The following ADAMTSL1 variants were observed in gnomAD, a reference collection of about 807,000 sequenced individuals.
The protein encoded by ADAMTSL1 is ADAMTS like 1, also known as ADAMTS-like protein 1.
A neutral mutation model predicts 201.8 loss-of-function variants in ADAMTSL1; 126 were observed. The ratio of observed to expected loss-of-function variants is 0.62; its 90% CI spans 0.54 to 0.72. ADAMTSL1 has a LOEUF of 0.72. ADAMTSL1 is among the 30% of genes least tolerant of loss of function. The pLI is 0.00. For synonymous variants in ADAMTSL1, 1,121 were observed against 903.4 expected (o/e 1.24, Z -4.32); for missense variants, 2,679 against 2,277.8 (o/e 1.18, Z -3.59).
chr9:18,176,588 C>T (rs1004118555), intron 2 of ADAMTSL1, among the ~76,000 whole-genome samples: 3 of 152,084 alleles, frequency 2.0e-5, no homozygotes, highest in Admixed American at 1.3e-4. Context: ...AGCAGTTTTT[C>T]CAGGGTCACA....
At chr9:18,273,206 A>G (rs1832450803) in intron 2 of ADAMTSL1, among the ~76,000 whole-genome samples, 1 of 152,148 alleles carries the variant, frequency 6.6e-6, no homozygotes, top group Non-Finnish European at 1.5e-5. Flanking sequence ...CAGCCTCCCA[A>G]GTAGCAGGGA....
intron 20 of ADAMTSL1, among the ~76,000 whole-genome samples, chr9:18,810,865 A>G (rs1430084044): frequency 1.3e-5 from 2 of 152,254 alleles, no homozygotes; most frequent in South Asian, 2.1e-4. Context: ...TAAAACACAC[A>G]TAAGGAGAAT....
chr9:18,609,548 A>G (rs931695263), intron 4 of ADAMTSL1, among the ~76,000 whole-genome samples: 3 of 152,282 alleles, frequency 2.0e-5, no homozygotes, highest in African/African-American at 7.2e-5. Flanking sequence ...TGTCAAATCC[A>G]AAGGGGCTGA....
intron 2 of ADAMTSL1, among the ~76,000 whole-genome samples, chr9:18,299,571 G>T (rs963064381): frequency 6.6e-6 from 1 of 152,166 alleles, no homozygotes; most frequent in Non-Finnish European, 1.5e-5. Context: ...TACGACTCCT[G>T]CCGTGTCCTC....
chr9:18,487,802 G>A (rs1822071386), intron 1 of ADAMTSL1, among the ~76,000 whole-genome samples: 1 of 152,146 alleles, frequency 6.6e-6, no homozygotes, highest in Non-Finnish European at 1.5e-5. Flanking sequence ...TTTTGGCCTT[G>A]GTTAGCAGGA....
At chr9:18,363,920 A>G (rs1354147714) in intron 2 of ADAMTSL1, among the ~76,000 whole-genome samples, 1 of 132,714 alleles carries the variant, frequency 7.5e-6, no homozygotes, top group Admixed American at 8.4e-5. Context: ...TAAGACCACT[A>G]GAAATAGAGG....
At chr9:18,174,828 ATG>A (rs1166566924) in intron 2 of ADAMTSL1, among the ~76,000 whole-genome samples, 1 of 152,184 alleles carries the variant, frequency 6.6e-6, no homozygotes, top group African/African-American at 2.4e-5. Context: ...TAAGAGAACA[ATG>A]TCGTAATTTT....
At chr9:17,915,636 C>G (rs1374028954) in intron 1 of ADAMTSL1, among the ~76,000 whole-genome samples, 2 of 152,178 alleles carry the variant, frequency 1.3e-5, no homozygotes, top group African/African-American at 4.8e-5. Context: ...TTAAGAAACT[C>G]AGTTTTTCAA....
intron 1 of ADAMTSL1, among the ~76,000 whole-genome samples, chr9:17,974,510 C>T (rs548779675): frequency 6.6e-6 from 1 of 151,952 alleles, no homozygotes; most frequent in Non-Finnish European, 1.5e-5. Flanking sequence ...TTTTGACCAA[C>T]ATCTCCCCAA....
At chr9:18,778,753 C>T (rs1320612340) in intron 19 of ADAMTSL1, among the ~76,000 whole-genome samples, 5 of 152,066 alleles carry the variant, frequency 3.3e-5, no homozygotes, top group African/African-American at 1.2e-4. Context: ...TTATCCACAC[C>T]TTATAGAACA....
rs546351377 is a variant in ADAMTSL1, at chr9:18,030,933, T to G, written c.87+124011T>G. Among the ~76,000 whole-genome samples the G allele has an allele frequency of 6.6e-5, 10 of 152,300 alleles. 1 individual carries two copies. The highest frequency in any genetic ancestry group is 2.4e-4 in the African/African-American group (10 of 41,584). On this transcript the variant is annotated intron_variant, in intron 1 of 29. Coordinates refer to the ADAMTSL1 transcript ENST00000680146. ...CTGGTTTTTGAGCTTTGAATTTTTT[T>G]CCTGAGCTTGGTCTAGTCTGTTATT...
intron 1 of ADAMTSL1, among the ~76,000 whole-genome samples, chr9:18,491,958 A>T (rs777860382): frequency 1.3e-5 from 2 of 152,176 alleles, no homozygotes; most frequent in Non-Finnish European, 2.9e-5. Context: ...TTAAAGAAAA[A>T]ATTGTAGGCT....
chr9:17,981,795 C>G (rs1818711296), intron 1 of ADAMTSL1, among the ~76,000 whole-genome samples: 1 of 152,142 alleles, frequency 6.6e-6, no homozygotes, highest in Admixed American at 6.6e-5. Flanking sequence ...GGACATCTTT[C>G]TCTGTAGCTC....
chr9:17,948,204 C>T (rs1827586066), intron 1 of ADAMTSL1, among the ~76,000 whole-genome samples: 1 of 152,328 alleles, frequency 6.6e-6, no homozygotes, highest in African/African-American at 2.4e-5. Context: ...AATTAATAGT[C>T]ATAGCTTTCC....
intron 2 of ADAMTSL1, among the ~76,000 whole-genome samples, chr9:18,460,355 C>A (rs1033923911): frequency 2.6e-5 from 4 of 152,198 alleles, no homozygotes; most frequent in Admixed American, 2.6e-4. Context: ...GCAGAAGATA[C>A]AGCATGCAGA....
intron 2 of ADAMTSL1, among the ~76,000 whole-genome samples, chr9:18,531,838 T>C (rs1190719845): frequency 6.6e-6 from 1 of 152,162 alleles, no homozygotes; most frequent in African/African-American, 2.4e-5. Flanking sequence ...AGCATTGTGA[T>C]CATGAGTGTG....
At chr9:18,236,412 G>A (rs959813891) in intron 2 of ADAMTSL1, among the ~76,000 whole-genome samples, 4 of 152,150 alleles carry the variant, frequency 2.6e-5, no homozygotes, top group African/African-American at 9.7e-5. Context: ...ACATGCTGTT[G>A]GTTCTAGCTG....
At chr9:18,710,936 T>A (rs575925794) in intron 14 of ADAMTSL1, among the ~76,000 whole-genome samples, 1 of 152,120 alleles carries the variant, frequency 6.6e-6, no homozygotes. Context: ...ACACCCACAG[T>A]ACTCGTCCAC....
intron 3 of ADAMTSL1, among the ~76,000 whole-genome samples, chr9:18,565,568 GA>G (rs11339613): frequency 0.3 from 32,500 of 106,582 alleles, 3,647 homozygotes; most frequent in East Asian, 0.52. Flanking sequence ...TCCTAGTTAT[GA>G]AAAAAAAAAA....
Sources: gnomAD v4.1 joint callset for allele counts (sites outside exome capture counted in the v4.1 genomes callset) on GRCh38, gnomAD v4.1.1 for gene constraint, MANE v1.5 for transcripts, NCBI Gene and HGNC (gene_info 2026-07-23, HGNC 2026-07-21) for gene names.